LYRM4: variants seen among roughly 807,000 people sequenced by gnomAD.
The protein encoded by LYRM4 is LYR motif-containing protein 4.
Under a neutral mutation model 11.7 loss-of-function variants are expected in LYRM4, and 9 were observed. The observed-to-expected ratio is 0.77, with a 90% CI of 0.46 to 1.34. LYRM4 has a LOEUF of 1.34. Among genes scored for constraint, LYRM4 ranks in the 40% most tolerant of loss-of-function variants. LYRM4 has a pLI of 0.00. For missense variants in LYRM4, 133 were observed against 112.5 expected (o/e 1.18, Z -0.82); for synonymous variants, 42 against 40.4 (o/e 1.04, Z -0.15).
rs1427251285 is a variant in LYRM4, at chr6:5,108,443, A to G, written c.*980T>C. The G allele has an allele frequency of 3.1e-6, 3 of 976,554 alleles. No individual in the cohort carries two copies. The highest frequency in any genetic ancestry group is 3.7e-6 in the Non-Finnish European group (3 of 821,794). The allele number at this position is 976,554 out of a possible 1,614,324, so 60.5% of individuals were successfully genotyped here. A position where few individuals can be genotyped will look rare whatever the true frequency, so the allele number is the denominator to read the frequency against. On this transcript the variant is annotated 3_prime_UTR_variant, in exon 3 of 3. Transcript: ENST00000330636. ...ATAAAAGCATACAAACAATATCTTT[A>G]TTACCTGTAATATACTTAAAGAGCA...
At chr6:5,049,517 G>A in the LYRM4 span, among the ~76,000 whole-genome samples, 2 of 152,122 alleles carry the variant, frequency 1.3e-5, no homozygotes, top group African/African-American at 4.8e-5. Flanking sequence ...CCTGACATTT[G>A]GCAGTTAAGG....
intron 2 of LYRM4, among the ~76,000 whole-genome samples, chr6:5,188,650 C>T (rs1302445618): frequency 6.6e-6 from 1 of 152,164 alleles, no homozygotes; most frequent in Non-Finnish European, 1.5e-5. Context: ...GTTAACCTCT[C>T]TAAACTTGTT....
At chr6:5,246,019 A>C (rs1411499040) in intron 1 of LYRM4, among the ~76,000 whole-genome samples, 2 of 152,188 alleles carry the variant, frequency 1.3e-5, no homozygotes, top group East Asian at 1.9e-4. Flanking sequence ...TTTTTTCCTT[A>C]TTCTTCTTCT....
intron 2 of LYRM4, among the ~76,000 whole-genome samples, chr6:5,183,954 G>A (rs768662009): frequency 6.6e-6 from 1 of 152,216 alleles, no homozygotes; most frequent in Non-Finnish European, 1.5e-5. Flanking sequence ...TGAAGTAATG[G>A]ATGTGGTAAC....
At chr6:5,219,394 G>T (rs1302105394) in intron 1 of LYRM4, among the ~76,000 whole-genome samples, 2 of 152,194 alleles carry the variant, frequency 1.3e-5, no homozygotes, top group Non-Finnish European at 2.9e-5. Flanking sequence ...GCAATCAAGA[G>T]TCATGATTCA....
chr6:5,167,477 C>T (rs1759153721), intron 2 of LYRM4, among the ~76,000 whole-genome samples: 1 of 152,234 alleles, frequency 6.6e-6, no homozygotes, highest in South Asian at 2.1e-4. Context: ...ATAAAAGCCT[C>T]TATTTTTCAA....
At chr6:5,064,114 T>C in the LYRM4 span, among the ~76,000 whole-genome samples, 1 of 152,124 alleles carries the variant, frequency 6.6e-6, no homozygotes, top group Non-Finnish European at 1.5e-5. Context: ...TTTCTAACAA[T>C]ACACGCTTGA....
chr6:5,043,967 C>G, the LYRM4 span, among the ~76,000 whole-genome samples: 3,170 of 152,292 alleles, frequency 0.021, 110 homozygotes, highest in African/African-American at 0.073. Context: ...TCCACAGCCC[C>G]CCTCTCGCTC....
At chr6:5,240,880 C>T (rs1303715746) in intron 1 of LYRM4, among the ~76,000 whole-genome samples, 3 of 152,152 alleles carry the variant, frequency 2.0e-5, no homozygotes, top group African/African-American at 4.8e-5. Flanking sequence ...CACTGGAACG[C>T]GTCAGTCTTA....
At chr6:5,179,888 A>G (rs1380144288) in intron 2 of LYRM4, among the ~76,000 whole-genome samples, 1 of 152,214 alleles carries the variant, frequency 6.6e-6, no homozygotes, top group Admixed American at 6.5e-5. Flanking sequence ...CTTACAACAC[A>G]CTTTAGACTA....
At chr6:5,043,564 A>G in the LYRM4 span, 2 of 152,334 alleles carry the variant, frequency 1.3e-5, no homozygotes, top group Non-Finnish European at 2.9e-5. Context: ...TCTGGCGTCT[A>G]TAAAGTCGAT....
Position 5,125,875 on chromosome 6 carries a change from G to A in LYRM4, c.208-16384C>T, listed in dbSNP as rs577015970. Among the ~76,000 whole-genome samples, 10 of 152,316 alleles carry A rather than the reference G, an allele frequency of 6.6e-5. No individual in the cohort carries two copies. In the South Asian group the frequency reaches 1.9e-3, roughly 28 times the overall value. The stretch of plus-strand genomic sequence containing the variant: ...TCCTTTGGACCCATTTCTGATGTGC[G>A]TTTTGGTTCAAACAAGGCGGCTGAT... On this transcript the variant is annotated intron_variant, in intron 2 of 2. Coordinates refer to ENST00000330636, the MANE Select transcript of LYRM4 (RefSeq NM_020408.6).
chr6:5,243,263 G>A (rs1203330446), intron 1 of LYRM4, among the ~76,000 whole-genome samples: 1 of 152,206 alleles, frequency 6.6e-6, no homozygotes, highest in East Asian at 1.9e-4. Context: ...CTGCAGTGAC[G>A]CTCATGCCCG....
intron 2 of LYRM4, among the ~76,000 whole-genome samples, chr6:5,188,839 C>T (rs1360974470): frequency 6.6e-6 from 1 of 152,248 alleles, no homozygotes; most frequent in East Asian, 1.9e-4. Flanking sequence ...TCATGGCTCA[C>T]TGCAGCCTTG....
chr6:5,123,338 T>C (rs538288961), intron 2 of LYRM4, among the ~76,000 whole-genome samples: 131 of 152,204 alleles, frequency 8.6e-4, no homozygotes, highest in African/African-American at 3.0e-3. Context: ...GGGTGGGACA[T>C]GGGCAGTCAG....
the LYRM4 span, among the ~76,000 whole-genome samples, chr6:5,043,965 C>T: frequency 6.6e-6 from 1 of 152,184 alleles, no homozygotes; most frequent in Non-Finnish European, 1.5e-5. Flanking sequence ...TGTCCACAGC[C>T]CCCCTCTCGC....
the LYRM4 span, among the ~76,000 whole-genome samples, chr6:5,089,790 C>A: frequency 6.6e-6 from 1 of 152,176 alleles, no homozygotes; most frequent in Non-Finnish European, 1.5e-5. Context: ...CAGTATTTCA[C>A]CAATGTGTGT....
intron 2 of LYRM4, among the ~76,000 whole-genome samples, chr6:5,154,727 G>A (rs1019576184): frequency 2.0e-5 from 3 of 152,204 alleles, no homozygotes; most frequent in African/African-American, 7.2e-5. Flanking sequence ...GCTGAGGCAG[G>A]AGAATGGCGT....
intron 1 of LYRM4, among the ~76,000 whole-genome samples, chr6:5,228,902 G>A (rs1359821893): frequency 6.6e-6 from 1 of 150,692 alleles, no homozygotes; most frequent in East Asian, 2.0e-4. Flanking sequence ...TACTCGGGAG[G>A]CTGAGGCAGG....
Sources: allele counts gnomAD v4.1 joint callset (sites outside exome capture counted in the v4.1 genomes callset), GRCh38; gene constraint gnomAD v4.1.1; transcripts MANE v1.5; gene names NCBI Gene and HGNC (gene_info 2026-07-23, HGNC 2026-07-21).